SLC44A1: variants seen among roughly 807,000 people sequenced by gnomAD.
The protein encoded by SLC44A1 is choline transporter-like protein 1.
SLC44A1 carries 26 observed loss-of-function variants against 79.3 expected under a neutral mutation model. That is an observed-to-expected ratio of 0.33 (90% CI 0.24 to 0.46). The LOEUF is 0.46. Ranked by LOEUF, SLC44A1 falls within the 20% of genes least tolerant of loss-of-function variation. The probability of loss-of-function intolerance (pLI) is 1.00; values close to 1 mark genes in which losing one functional copy is unlikely to be tolerated. For missense variants in SLC44A1, 688 were observed against 798.1 expected, an observed-to-expected ratio of 0.86 and a Z score of 1.66; for synonymous variants, 263 against 286.2, an observed-to-expected ratio of 0.92 and a Z score of 0.82.
At chr9:105,346,229 A>T (rs1827243447) in intron 4 of SLC44A1, among the ~76,000 whole-genome samples, 2 of 152,102 alleles carry the variant, frequency 1.3e-5, no homozygotes, top group African/African-American at 4.8e-5. Context: ...TTAGTACAGG[A>T]TCTATTTAGT....
At chr9:105,416,975 CTT>C (rs1829179370) in intron 15 of SLC44A1, among the ~76,000 whole-genome samples, 1 of 152,204 alleles carries the variant, frequency 6.6e-6, no homozygotes, top group Admixed American at 6.5e-5. Flanking sequence ...TGGAAAGTAA[CTT>C]AGCATTCTGG....
chr9:105,302,117 G>C (rs1830896124), intron 2 of SLC44A1, among the ~76,000 whole-genome samples: 1 of 152,028 alleles, frequency 6.6e-6, no homozygotes, highest in Admixed American at 6.6e-5. Context: ...CTAGAACTTA[G>C]AGTGTTTTTC....
chr9:105,272,905 A>G (rs1442014755), intron 1 of SLC44A1, among the ~76,000 whole-genome samples: 1 of 151,964 alleles, frequency 6.6e-6, no homozygotes, highest in African/African-American at 2.4e-5. Flanking sequence ...AGTAAATATT[A>G]TTTTATGCCA....
chr9:105,429,218 C>T (rs1829360830), intron 15 of SLC44A1, among the ~76,000 whole-genome samples: 1 of 152,198 alleles, frequency 6.6e-6, no homozygotes, highest in African/African-American at 2.4e-5. Flanking sequence ...AAAGGAAGAA[C>T]TGAAAGGATA....
At chr9:105,375,656 T>C (rs1394478342) in intron 13 of SLC44A1, among the ~76,000 whole-genome samples, 1 of 152,200 alleles carries the variant, frequency 6.6e-6, no homozygotes, top group Non-Finnish European at 1.5e-5. Flanking sequence ...CAGTATTATA[T>C]ATAAGCCCCT....
At chr9:105,261,812 CTT>C (rs1021440172) in intron 1 of SLC44A1, among the ~76,000 whole-genome samples, 7 of 135,090 alleles carry the variant, frequency 5.2e-5, no homozygotes, top group African/African-American at 2.0e-4. Context: ...GGGAGTCTCA[CTT>C]TGTCGCTCAG....
At chr9:105,358,713 T>C (rs773517607) in intron 7 of SLC44A1, among the ~76,000 whole-genome samples, 1 of 152,188 alleles carries the variant, frequency 6.6e-6, no homozygotes, top group Non-Finnish European at 1.5e-5. Flanking sequence ...TGGAATTTGT[T>C]CTCATTACAT....
chr9:105,409,811 TAGACAGA>T (rs1829072883), intron 15 of SLC44A1, among the ~76,000 whole-genome samples: 1 of 152,148 alleles, frequency 6.6e-6, no homozygotes, highest in Non-Finnish European at 1.5e-5. Context: ...ATAGAATAAC[TAGACAGA>T]AGATCAAGAA....
Position 105,392,131 on chromosome 9 carries a change from A to G in SLC44A1, c.*3075A>G. The stretch of plus-strand genomic sequence containing the variant: ...AAAACATTAGCAATTTAGCTAGAGC[A>G]CTGAGATTGTATAATCCTTGCATGG... On this transcript the variant is annotated 3_prime_UTR_variant, in exon 16 of 16. Coordinates refer to ENST00000374720, the MANE Select transcript of SLC44A1 (RefSeq NM_080546.5). 1.0e-6 allele frequency: 1 copy of G among 985,452 alleles called. No homozygotes were observed. Among genetic ancestry groups the G allele is most frequent in the Non-Finnish European group, 1.2e-6 (1 of 829,914 alleles). 61.0% of individuals were successfully genotyped at this position (985,452 alleles called of 1,614,324 possible). A position where few individuals can be genotyped will look rare whatever the true frequency, so the allele number is the denominator to read the frequency against.
intron 13 of SLC44A1, among the ~76,000 whole-genome samples, chr9:105,380,591 TA>T (rs1214029307): frequency 6.6e-6 from 1 of 151,968 alleles, no homozygotes; most frequent in African/African-American, 2.4e-5. Context: ...TAAATGTAAA[TA>T]TTTATATATA....
chr9:105,282,916 T>G (rs1417493129), intron 1 of SLC44A1, among the ~76,000 whole-genome samples: 1 of 152,198 alleles, frequency 6.6e-6, no homozygotes, highest in Admixed American at 6.5e-5. Context: ...ATATATCATC[T>G]TCATATACAG....
intron 3 of SLC44A1, 121 bp downstream of exon 3, chr9:105,309,987 G>T: frequency 1.9e-6 from 2 of 1,038,708 alleles, no homozygotes; most frequent in Non-Finnish European, 1.4e-6. Flanking sequence ...TGTGACTTCT[G>T]TTGGTGTGTT....
chr9:105,395,814 A>G lies in SLC44A1; in HGVS notation c.*6758A>G, dbSNP rs540422291. ...AAGACTTGGGAATAATTGGGCAGAT[A>G]GAATGGGTTCCATGGATCATTCTAG... On this transcript the variant is annotated 3_prime_UTR_variant, in exon 16 of 16. Transcript: ENST00000374720. The G allele has an allele frequency of 2.2e-5, 22 of 985,168 alleles. No homozygotes were observed. Among genetic ancestry groups the G allele is most frequent in the Non-Finnish European group, 2.7e-5 (22 of 829,806 alleles). The allele number at this position is 985,168 out of a possible 1,614,324, so 61.0% of individuals were successfully genotyped here. A position where few individuals can be genotyped will look rare whatever the true frequency, so the allele number is the denominator to read the frequency against.
chr9:105,358,802 C>T (rs1443914775), intron 7 of SLC44A1, among the ~76,000 whole-genome samples: 2 of 152,042 alleles, frequency 1.3e-5, no homozygotes, highest in Non-Finnish European at 2.9e-5. Flanking sequence ...TTCTTGTTTT[C>T]TCTCTTTGCT....
rs775034722 is a variant in SLC44A1, at chr9:105,364,543, A to T, written c.1088-12A>T. The T allele has an allele frequency of 9.4e-6, 15 of 1,591,100 alleles. No individual in the cohort carries two copies. The African/African-American group carries it at 2.0e-4, about 22-fold the overall frequency. On this transcript the variant is annotated splice_polypyrimidine_tract_variant and intron_variant, in intron 9 of 15. Transcript: ENST00000374720. Reference sequence around the variant, plus strand: ...TATGTGCTTCTTCTTTCCTTCCTTGATATTTTCCTAGGCAGTCCTGTTCAG... The same window carrying T: ...TATGTGCTTCTTCTTTCCTTCCTTGTTATTTTCCTAGGCAGTCCTGTTCAG...
rs773006685 is a variant in SLC44A1 at position 105,364,726 on chromosome 9, A to T, written c.1253+6A>T. ...GTAACATACTATTTTACTAGGTAAG[A>T]ATATGTTGTTATTAGAAAACTCGAG... On this transcript the variant is annotated splice_donor_region_variant and intron_variant, in intron 10 of 15. Coordinates refer to ENST00000374720, the MANE Select transcript of SLC44A1 (RefSeq NM_080546.5). The T allele has an allele frequency of 6.2e-7, 1 of 1,608,234 alleles. No homozygotes were observed. The highest frequency in any genetic ancestry group is 1.7e-5 in the Admixed American group (1 of 59,308).
At chr9:105,270,888 C>G (rs1380646391) in intron 1 of SLC44A1, among the ~76,000 whole-genome samples, 1 of 152,210 alleles carries the variant, frequency 6.6e-6, no homozygotes, top group Non-Finnish European at 1.5e-5. Context: ...TTCTACCTCT[C>G]TATTTTTAGT....
At chr9:105,385,844 T>G in intron 15 of SLC44A1, 1 of 985,436 alleles carries the variant, frequency 1.0e-6, no homozygotes, top group Non-Finnish European at 1.2e-6. Context: ...ACTGAACATT[T>G]TGGTGTACAC....
rs1297135591 is a variant in SLC44A1, at chr9:105,395,598, C to T, written c.*6542C>T. The stretch of plus-strand genomic sequence containing the variant: ...AATTCCCATGTTGGATAGAAAAGGG[C>T]GTAAGTCCAGTCTAAGTATCTAAAT... On this transcript the variant is annotated 3_prime_UTR_variant, in exon 16 of 16. Coordinates refer to ENST00000374720, the MANE Select transcript of SLC44A1 (RefSeq NM_080546.5). 8 of 985,110 alleles carry T rather than the reference C, an allele frequency of 8.1e-6. No homozygotes were observed. Among genetic ancestry groups the T allele is most frequent in the Admixed American group, 6.1e-5 (1 of 16,262 alleles). 61.0% of individuals were successfully genotyped at this position (985,110 alleles called of 1,614,324 possible).
Sources: gnomAD v4.1 joint callset for allele counts (sites outside exome capture counted in the v4.1 genomes callset) on GRCh38, gnomAD v4.1.1 for gene constraint, MANE v1.5 for transcripts, NCBI Gene and HGNC (gene_info 2026-07-23, HGNC 2026-07-21) for gene names.